Variants in PPT1 observed in about 807,000 individuals in gnomAD.
The protein encoded by PPT1 is palmitoyl-protein thioesterase 1.
In PPT1, 24 loss-of-function variants were observed where a neutral mutation model predicts 44.0. That is an observed-to-expected ratio of 0.54 (90% CI 0.39 to 0.77). PPT1 has a LOEUF of 0.77. PPT1 is among the 30% of genes least tolerant of loss of function. PPT1 has a pLI of 0.00. For missense variants in PPT1, 341 were observed against 378.8 expected (o/e 0.90, Z 0.83); for synonymous variants, 148 against 140.2 (o/e 1.06, Z -0.39).
intron 1 of PPT1, chr1:40,096,813 C>G (rs1021651571): frequency 6.7e-5 from 29 of 433,910 alleles, no homozygotes; most frequent in African/African-American, 5.9e-4. Context: ...GCTCACCTAG[C>G]CTGACCAAGT....
chr1:40,077,688 A>G (rs1162580389), intron 7 of PPT1, among the ~76,000 whole-genome samples: 1 of 152,222 alleles, frequency 6.6e-6, no homozygotes, highest in Non-Finnish European at 1.5e-5. Context: ...TGATTCTAAA[A>G]AAGCGATCAC....
In PPT1 at chr1:40,092,410, C is replaced by T; in HGVS notation, c.222G>A (p.Lys74=). 1 of 1,609,806 alleles carries T rather than the reference C, an allele frequency of 6.2e-7. No individual in the cohort carries two copies. The highest frequency in any genetic ancestry group is 8.5e-7 in the Non-Finnish European group (1 of 1,176,046). The change falls in exon 2 of 9, where the codon AAG becomes AAA. Residue 74 remains lysine (K), a synonymous_variant. Coordinates refer to ENST00000642050, the MANE Select transcript of PPT1 (RefSeq NM_000310.4). Reference sequence around the variant, plus strand: ...TGAAGCGCCTTACCTCCATCAGGGTCTTCCCAATCTCTAAAGATAAGACGT... The same window carrying T: ...TGAAGCGCCTTACCTCCATCAGGGTTTTCCCAATCTCTAAAGATAAGACGT... ...GIYVLSLEIG[K]TLMEDVENSF...
intron 4 of PPT1, chr1:40,089,725 C>A: frequency 1.6e-6 from 1 of 643,460 alleles, no homozygotes; most frequent in Non-Finnish European, 2.9e-6. Flanking sequence ...TTTTTACCTG[C>A]TCATCCCTGG....
At position 40,086,266 on chromosome 1, in the gene PPT1, C is replaced by T. The variant is rs922532964; in HGVS notation, c.536+3144G>A. ...GGGCAGGGGATGGCAGGGAGCAAAC[C>T]GGAGGAAGGAGAAGGCTAGGAAGGG... On this transcript the variant is annotated intron_variant, in intron 5 of 8. Transcript: ENST00000642050. Among the ~76,000 whole-genome samples, 6 of 152,028 alleles carry T rather than the reference C, an allele frequency of 3.9e-5. No individual in the cohort carries two copies. The South Asian group carries it at 1.0e-3, about 26-fold the overall frequency.
At chr1:40,095,429 C>G (rs964260984) in intron 1 of PPT1, among the ~76,000 whole-genome samples, 4 of 152,116 alleles carry the variant, frequency 2.6e-5, no homozygotes, top group African/African-American at 9.7e-5. Flanking sequence ...CAACCCGTAT[C>G]TCTGTCCTAG....
intron 6 of PPT1, 48 bp from the exon 7 acceptor site, chr1:40,078,706 G>T: frequency 1.4e-6 from 2 of 1,475,626 alleles, no homozygotes; most frequent in Non-Finnish European, 1.9e-6. Flanking sequence ...TCAGACACCA[G>T]CAGAGGGAGT....
Position 40,078,663 on chromosome 1 carries a change from A to C in PPT1, c.628-5T>G, listed in dbSNP as rs1203591798. The C allele has an allele frequency of 6.2e-7, 1 of 1,610,676 alleles. No homozygotes were observed. Among genetic ancestry groups the C allele is most frequent in the Non-Finnish European group, 8.5e-7 (1 of 1,177,058 alleles). On this transcript the variant is annotated splice_polypyrimidine_tract_variant and splice_region_variant and intron_variant, in intron 6 of 8. Coordinates refer to ENST00000642050, the MANE Select transcript of PPT1 (RefSeq NM_000310.4). ...CTTGTAGGACTCATTGATACCCTGAAAGAAAGGCCAGCAACACCTAAGGTC... is the reference window on the plus strand; with the variant it reads ...CTTGTAGGACTCATTGATACCCTGACAGAAAGGCCAGCAACACCTAAGGTC...
intron 7 of PPT1, among the ~76,000 whole-genome samples, chr1:40,077,545 C>A (rs1648691041): frequency 6.6e-6 from 1 of 152,080 alleles, no homozygotes; most frequent in Non-Finnish European, 1.5e-5. Flanking sequence ...TAAAAACATT[C>A]TTTTATGTTA....
At chr1:40,075,679 T>C (rs115108937) in intron 8 of PPT1, among the ~76,000 whole-genome samples, 77 of 151,812 alleles carry the variant, frequency 5.1e-4, no homozygotes, top group African/African-American at 1.7e-3. Flanking sequence ...ATAAAATCCT[T>C]AGGGCTGGGC....
intron 1 of PPT1, among the ~76,000 whole-genome samples, chr1:40,095,504 A>C (rs116762265): frequency 0.022 from 3,347 of 152,292 alleles, 121 homozygotes; most frequent in African/African-American, 0.077. Flanking sequence ...AAGTTTAGTA[A>C]GCCCAAAAGC....
At chr1:40,093,108 A>C (rs1031160330) in intron 1 of PPT1, among the ~76,000 whole-genome samples, 1 of 152,260 alleles carries the variant, frequency 6.6e-6, no homozygotes, top group Non-Finnish European at 1.5e-5. Context: ...AATAGTCAAA[A>C]GGGAGAAACA....
At chr1:40,089,645 A>G in intron 4 of PPT1, 133 bp from the exon 5 acceptor site, 1 of 731,878 alleles carries the variant, frequency 1.4e-6, no homozygotes, top group Non-Finnish European at 2.4e-6. Flanking sequence ...TCATGAAAAT[A>G]AAGCGCAGAG....
At position 40,073,537 on chromosome 1, in the gene PPT1, GCA is replaced by G. The variant is rs1648392767; in HGVS notation, c.*522_*523del. 1 of 164,820 alleles carries G rather than the reference GCA, an allele frequency of 6.1e-6. No individual in the cohort carries two copies. The highest frequency in any genetic ancestry group is 2.4e-5 in the African/African-American group (1 of 41,722). The allele number at this position is 164,820 out of a possible 1,614,324, so 10.2% of individuals were successfully genotyped here. On this transcript the variant is annotated 3_prime_UTR_variant, in exon 9 of 9. Coordinates refer to ENST00000642050, the MANE Select transcript of PPT1 (RefSeq NM_000310.4). ...TCTAATAATTGATGATAAGATGATAGCACAGAGGGCAACGTACTGAGAGAGGA... is the reference window on the plus strand; with the variant it reads ...TCTAATAATTGATGATAAGATGATAGCAGAGGGCAACGTACTGAGAGAGGA...
At chr1:40,083,134 A>G (rs958879910) in intron 5 of PPT1, among the ~76,000 whole-genome samples, 6 of 152,216 alleles carry the variant, frequency 3.9e-5, no homozygotes, top group African/African-American at 1.4e-4. Context: ...TATTGCTCAG[A>G]AAAAAAGATT....
At chr1:40,093,052 T>A (rs1470061559) in intron 1 of PPT1, among the ~76,000 whole-genome samples, 1 of 152,106 alleles carries the variant, frequency 6.6e-6, no homozygotes, top group African/African-American at 2.4e-5. Flanking sequence ...AAAACACACG[T>A]CCATGCAGAA....
chr1:40,097,052 A>G, intron 1 of PPT1, 63 bp downstream of exon 1: 1 of 1,613,614 alleles, frequency 6.2e-7, no homozygotes, highest in Non-Finnish European at 8.5e-7. Context: ...CATTTTGCAG[A>G]TGCGAACCCA....
chr1:40,094,478 C>T (rs1313147436), intron 1 of PPT1, among the ~76,000 whole-genome samples: 2 of 151,700 alleles, frequency 1.3e-5, no homozygotes, highest in African/African-American at 2.4e-5. Flanking sequence ...GAGTTTGGGA[C>T]CCCCGCTCTA....
intron 5 of PPT1, among the ~76,000 whole-genome samples, chr1:40,089,025 G>A (rs191022404): frequency 9.9e-5 from 15 of 152,162 alleles, no homozygotes; most frequent in East Asian, 1.9e-4. Context: ...GGTGGCTCAC[G>A]CCTGTAATCC....
intron 5 of PPT1, among the ~76,000 whole-genome samples, chr1:40,087,750 A>G (rs1649342288): frequency 1.3e-5 from 2 of 152,112 alleles, no homozygotes. Context: ...AGAACAGAGA[A>G]TATGTAGAAT....
Sources: allele counts gnomAD v4.1 joint callset (sites outside exome capture counted in the v4.1 genomes callset), GRCh38; gene constraint gnomAD v4.1.1; transcripts MANE v1.5; gene names NCBI Gene and HGNC (gene_info 2026-07-23, HGNC 2026-07-21).